The following ZC4H2 variants were observed in gnomAD, a reference collection of about 807,000 sequenced individuals.
ZC4H2 encodes the protein zinc finger C4H2-type containing.
For synonymous variants in ZC4H2, 84 were observed against 66.3 expected (o/e 1.27, Z -1.30); for missense variants, 137 against 173.9 (o/e 0.79, Z 1.19).
intron 1 of ZC4H2, among the ~76,000 whole-genome samples, chrX:64,971,940 T>G (rs370718447): frequency 9.0e-6 from 1 of 111,640 alleles, no homozygotes; most frequent in Non-Finnish European, 1.9e-5. Context: ...GGATGGCATG[T>G]GCATTTTAAG....
intron 1 of ZC4H2, among the ~76,000 whole-genome samples, chrX:65,028,575 G>A (rs765652356): frequency 2.9e-4 from 31 of 108,601 alleles, no homozygotes; most frequent in Non-Finnish European, 4.4e-4. Flanking sequence ...TCTGTAGCCC[G>A]GGCTGGAGTG....
intron 1 of ZC4H2, among the ~76,000 whole-genome samples, chrX:65,018,940 C>G (rs1222103210): frequency 1.8e-5 from 2 of 111,571 alleles, no homozygotes; most frequent in Non-Finnish European, 3.8e-5. Flanking sequence ...TGGATGGAGC[C>G]CACCTCAGCT....
chrX:65,007,074 T>C (rs1237875503), intron 1 of ZC4H2, among the ~76,000 whole-genome samples: 1 of 111,594 alleles, frequency 9.0e-6, no homozygotes, highest in Non-Finnish European at 1.9e-5. Flanking sequence ...CACTGATGTA[T>C]CTGAAGTGTC....
chrX:64,997,412 G>A (rs1932438044), intron 1 of ZC4H2, among the ~76,000 whole-genome samples: 1 of 111,724 alleles, frequency 9.0e-6, no homozygotes, highest in African/African-American at 3.3e-5. Context: ...AAGAAATAAA[G>A]ATTTCTGGTA....
chrX:65,032,444 T>C (rs1932943696), intron 1 of ZC4H2, among the ~76,000 whole-genome samples: 1 of 111,982 alleles, frequency 8.9e-6, no homozygotes, highest in Non-Finnish European at 1.9e-5. Context: ...CTGAAAGGCA[T>C]GTCTGTTCCA....
chrX:64,995,053 G>A (rs1007423898), intron 1 of ZC4H2, among the ~76,000 whole-genome samples: 2 of 108,147 alleles, frequency 1.8e-5, no homozygotes, highest in Admixed American at 2.0e-4. Context: ...AATCAGTCAT[G>A]CTTTTCTAGG....
At chrX:64,932,344 G>C (rs1243022116) in intron 1 of ZC4H2, among the ~76,000 whole-genome samples, 2 of 111,240 alleles carry the variant, frequency 1.8e-5, no homozygotes, top group Non-Finnish European at 3.8e-5. Context: ...GTGTAGCGTT[G>C]AGGCCCATTT....
chrX:64,926,764 G>T lies in ZC4H2; in HGVS notation c.54-4776C>A, dbSNP rs1577421. On this transcript the variant is annotated intron_variant, in intron 1 of 4. Coordinates refer to ENST00000374839, the MANE Select transcript of ZC4H2 (RefSeq NM_018684.4). Reference sequence around the variant, plus strand: ...GGGTTTGAACTGCATAGATTCACTTGTACATGGATTTTTTTCAACAAAATA... The same window carrying T: ...GGGTTTGAACTGCATAGATTCACTTTTACATGGATTTTTTTCAACAAAATA... 7.0e-3 allele frequency among the ~76,000 whole-genome samples: 777 copies of T among 111,594 alleles called. 23 individuals carry two copies. Among genetic ancestry groups the T allele is most frequent in the Admixed American group, 0.052 (546 of 10,485 alleles).
chrX:64,920,416 T>C (rs1569200523), intron 2 of ZC4H2, among the ~76,000 whole-genome samples, 163 bp from the exon 3 acceptor site: 1 of 112,056 alleles, frequency 8.9e-6, no homozygotes, highest in Non-Finnish European at 1.9e-5. Flanking sequence ...AGTCTCAGTT[T>C]CTTCATCGGT....
intron 1 of ZC4H2, 44 bp downstream of exon 1, chrX:64,976,281 G>T: frequency 5.9e-6 from 7 of 1,184,824 alleles, no homozygotes; most frequent in Non-Finnish European, 6.9e-6. Context: ...CTCCCGCAAC[G>T]AAGGGTTGGA....
intron 1 of ZC4H2, among the ~76,000 whole-genome samples, chrX:64,952,569 T>C (rs1044576191): frequency 4.5e-5 from 5 of 111,180 alleles, no homozygotes; most frequent in African/African-American, 1.6e-4. Context: ...CCTTTCACAG[T>C]TGCTTCAAAG....
At chrX:64,962,322 T>G (rs1931427021) in intron 1 of ZC4H2, among the ~76,000 whole-genome samples, 1 of 111,526 alleles carries the variant, frequency 9.0e-6, no homozygotes, top group African/African-American at 3.2e-5. Context: ...CATGATCATC[T>G]CAATAAATGC....
Position 64,951,370 on chromosome X carries a change from C to T in ZC4H2, c.53+24955G>A, listed in dbSNP as rs369165163. ...TTCTAGTTCTAGATCCCTGAGGAAT[C>T]GCCACACTGACTTCCACAACGGTTG... On this transcript the variant is annotated intron_variant, in intron 1 of 4. Coordinates refer to ENST00000374839, the MANE Select transcript of ZC4H2 (RefSeq NM_018684.4). Among the ~76,000 whole-genome samples the T allele has an allele frequency of 2.2e-3, 247 of 111,592 alleles. 2 individuals are homozygous for T. The highest frequency in any genetic ancestry group is 6.9e-3 in the African/African-American group (212 of 30,571).
intron 1 of ZC4H2, among the ~76,000 whole-genome samples, chrX:64,986,403 C>T (rs990275069): frequency 8.9e-6 from 1 of 112,068 alleles, no homozygotes; most frequent in Admixed American, 9.5e-5. Flanking sequence ...GCCAGGCATT[C>T]CCCCATCTCT....
intron 1 of ZC4H2, among the ~76,000 whole-genome samples, chrX:64,950,992 T>C (rs896205096): frequency 7.2e-5 from 8 of 110,350 alleles, no homozygotes; most frequent in Admixed American, 1.9e-4. Context: ...GAGTGTGATG[T>C]TCCCCTTCCT....
intron 1 of ZC4H2, among the ~76,000 whole-genome samples, chrX:65,021,801 A>C (rs191000473): frequency 1.1e-4 from 12 of 111,578 alleles, no homozygotes; most frequent in African/African-American, 2.3e-4. Flanking sequence ...AGAAGAAAAA[A>C]GAGAAGAATC....
chrX:64,922,354 C>G, intron 1 of ZC4H2: 1 of 145,444 alleles, frequency 6.9e-6, no homozygotes, highest in Non-Finnish European at 1.3e-5. Flanking sequence ...CCAGTAGTCT[C>G]AACTACTCAG....
At position 64,976,410 on chromosome X, in the gene ZC4H2, T is replaced by C. The variant is rs945891287; in HGVS notation, c.-33A>G. 4.2e-6 allele frequency: 5 copies of C among 1,191,677 alleles called. No homozygotes were observed. The highest frequency in any genetic ancestry group is 4.6e-6 in the Non-Finnish European group (4 of 878,739). Reference sequence around the variant, plus strand: ...ACTGTCAATTTCACGTCCCGAGAGATGTACAAATACACCAGCCAAGGGATA... The same window carrying C: ...ACTGTCAATTTCACGTCCCGAGAGACGTACAAATACACCAGCCAAGGGATA... On this transcript the variant is annotated 5_prime_UTR_variant, in exon 1 of 5. Transcript: ENST00000374839.
intron 1 of ZC4H2, among the ~76,000 whole-genome samples, chrX:64,937,478 A>C (rs1321379471): frequency 2.7e-5 from 3 of 111,782 alleles, no homozygotes; most frequent in Non-Finnish European, 5.6e-5. Flanking sequence ...AACCAAAAGA[A>C]TATATATTCT....
Sources: gnomAD v4.1 joint callset for allele counts (sites outside exome capture counted in the v4.1 genomes callset) on GRCh38, gnomAD v4.1.1 for gene constraint, MANE v1.5 for transcripts, NCBI Gene and HGNC (gene_info 2026-07-23, HGNC 2026-07-21) for gene names.